ZNF165: variants seen among roughly 807,000 people sequenced by gnomAD.
ZNF165 encodes the protein cancer/testis antigen 53.
ZNF165 carries 14 observed loss-of-function variants against 19.6 expected under a neutral mutation model. That is an observed-to-expected ratio of 0.71 (90% confidence interval 0.47 to 1.12). ZNF165 has a LOEUF of 1.12. ZNF165 is among the 50% of genes most tolerant of loss of function. ZNF165 has a pLI of 0.00. For missense variants in ZNF165, 504 were observed against 566.3 expected (o/e 0.89, Z 1.12); for synonymous variants, 165 against 195.0 (o/e 0.85, Z 1.28).
Position 28,089,126 on chromosome 6 carries a change from TATGAATGTA to T in ZNF165, c.1123_1131del (p.Asn375_Cys377del), listed in dbSNP as rs1764370165. The T allele has an allele frequency of 6.2e-7, 1 of 1,614,178 alleles. No individual in the cohort carries two copies. The highest frequency in any genetic ancestry group is 8.5e-7 in the Non-Finnish European group (1 of 1,180,012). Reference sequence around the variant, plus strand: ...GAGAATCCACACTGGAGAGAGATGCTATGAATGTAATGAATGTGGGAAAAGCTTTGCAGA... The same window carrying T: ...GAGAATCCACACTGGAGAGAGATGCTATGAATGTGGGAAAAGCTTTGCAGA... On this transcript the variant is annotated inframe_deletion, in exon 4 of 4. Transcript: ENST00000683778.
At chr6:28,082,368 C>T (rs1270761763) in intron 1 of ZNF165, among the ~76,000 whole-genome samples, 12 of 152,164 alleles carry the variant, frequency 7.9e-5, no homozygotes, top group Admixed American at 7.9e-4. Context: ...TAAAGACACA[C>T]ACAGAAATAT....
At position 28,089,022 on chromosome 6, in the gene ZNF165, T is replaced by C. The variant is rs1362467571; in HGVS notation, c.1010T>C (p.Val337Ala). The C allele has an allele frequency of 6.2e-7, 1 of 1,614,012 alleles. No individual in the cohort carries two copies. Among genetic ancestry groups the C allele is most frequent in the Non-Finnish European group, 8.5e-7 (1 of 1,180,032 alleles). ...KSPKLAKHAA[V>A]FSGDKTHQCN... The stretch of plus-strand genomic sequence containing the variant: ...CCAAAACTTGCTAAACATGCAGCAG[T>C]TTTCAGTGGAGATAAAACTCATCAG... Residue 337 changes from valine to alanine, a missense_variant, in exon 4 of 4, where the codon GTT becomes GCT. Coordinates refer to ENST00000683778, the MANE Select transcript of ZNF165 (RefSeq NM_001376491.1).
At chr6:28,082,584 G>T (rs542389257) in intron 1 of ZNF165, among the ~76,000 whole-genome samples, 1 of 152,238 alleles carries the variant, frequency 6.6e-6, no homozygotes, top group East Asian at 1.9e-4. Context: ...GGCACAGATC[G>T]CTCATGCTAT....
chr6:28,089,528 TAAAA>T lies in ZNF165; in HGVS notation c.*61_*64del. The T allele has an allele frequency of 6.9e-7, 1 of 1,439,144 alleles. No homozygotes were observed. The highest frequency in any genetic ancestry group is 9.2e-7 in the Non-Finnish European group (1 of 1,089,294). The allele number at this position is 1,439,144 out of a possible 1,614,324, so 89.1% of individuals were successfully genotyped here. A position where few individuals can be genotyped will look rare whatever the true frequency, so the allele number is the denominator to read the frequency against. On this transcript the variant is annotated 3_prime_UTR_variant, in exon 4 of 4. Transcript: ENST00000683778. ...ATGGCACAATATGAAAAATATTAAA[TAAAA>T]AATAAATATTGGGCAAGATGGAAGA... is the stretch of plus-strand genomic sequence containing the variant.
rs763913588 is a variant in ZNF165 at position 28,088,656 on chromosome 6, A to G, written c.644A>G (p.Tyr215Cys). ...QRIISGRISG[Y>C]ISEASGESQD... ...ATTATATCTGGAAGAATCTCAGGAT[A>G]CATATCAGAAGCATCTGGTGAGTCT... The change falls in exon 4 of 4, where the codon TAC becomes TGC. Residue 215 changes from tyrosine to cysteine, a missense_variant. By Grantham distance (194) the Tyr-to-Cys change is radical. Transcript: ENST00000683778. The G allele has an allele frequency of 6.2e-7, 1 of 1,614,168 alleles. No homozygotes were observed. The highest frequency in any genetic ancestry group is 1.1e-5 in the South Asian group (1 of 91,066).
In ZNF165 at chr6:28,085,783, G is replaced by T. The variant is rs140944807; in HGVS notation, c.303G>T (p.Leu101=). 2.1e-4 allele frequency: 339 copies of T among 1,613,760 alleles called. 1 individual carries two copies. In the African/African-American group the frequency reaches 3.9e-3, roughly 19 times the overall value. ...TGCTAGAGCAGTTCCTGACCATCCT[G>T]CCAGGAGATTTGCAGGCCTGGGTAC... ...LLVLEQFLTI[L]PGDLQAWVHE... The change falls in exon 2 of 4, where the codon CTG becomes CTT. Residue 101 remains leucine (L), a synonymous_variant. Coordinates refer to ENST00000683778, the MANE Select transcript of ZNF165 (RefSeq NM_001376491.1).
At chr6:28,080,412 C>A (rs1015674018), upstream of ZNF165, among the ~76,000 whole-genome samples, 3 of 152,110 alleles carry the variant, frequency 2.0e-5, no homozygotes, top group African/African-American at 7.2e-5. Context: ...GAGTCTCACT[C>A]TGTCACCCAA....
intron 1 of ZNF165, chr6:28,081,659 T>G (rs1284356641): frequency 1.3e-5 from 2 of 152,184 alleles, no homozygotes; most frequent in Non-Finnish European, 2.9e-5. Flanking sequence ...TCCCGCAACA[T>G]GCCCACCAAG....
intron 1 of ZNF165, among the ~76,000 whole-genome samples, chr6:28,082,265 A>G (rs1014860889): frequency 6.6e-6 from 1 of 151,806 alleles, no homozygotes; most frequent in African/African-American, 2.4e-5. Flanking sequence ...GAGAATTAAT[A>G]CTGTTACATA....
chr6:28,086,602 G>A (rs1234696192), intron 3 of ZNF165, among the ~76,000 whole-genome samples: 2 of 152,082 alleles, frequency 1.3e-5, no homozygotes, highest in Non-Finnish European at 2.9e-5. Context: ...CCAGCTACTC[G>A]GAAGGCTGAG....
chr6:28,082,459 G>C (rs1303260755), intron 1 of ZNF165, among the ~76,000 whole-genome samples: 2 of 152,200 alleles, frequency 1.3e-5, no homozygotes, highest in African/African-American at 4.8e-5. Flanking sequence ...CTTATTTATT[G>C]ACAGCAAGCC....
chr6:28,088,420 ATCC>A (rs1764337427), intron 3 of ZNF165, 140 bp from the exon 4 acceptor site: 1 of 704,362 alleles, frequency 1.4e-6, no homozygotes, highest in East Asian at 2.8e-5. Flanking sequence ...CATTCCTATC[ATCC>A]TCTTTCATTC....
Position 28,088,838 on chromosome 6 carries a change from G to C in ZNF165, c.826G>C (p.Glu276Gln). The change falls in exon 4 of 4, where the codon GAG becomes CAG. Residue 276 changes from glutamate (E) to glutamine (Q), a missense_variant. Glu to Gln is a conservative substitution (Grantham distance 29). Coordinates refer to ENST00000683778, the MANE Select transcript of ZNF165 (RefSeq NM_001376491.1). Reference sequence around the variant, plus strand: ...TGAAATAATAAGCCACGATGGATGTGAGAGGAGATTAAATCTGAACTCAAA... The same window carrying C: ...TGAAATAATAAGCCACGATGGATGTCAGAGGAGATTAAATCTGAACTCAAA... ...RGEIISHDGCERRLNLNSNEF... is the reference protein window; with the variant it reads ...RGEIISHDGCQRRLNLNSNEF... 6.2e-7 allele frequency: 1 copy of C among 1,614,182 alleles called. No homozygotes were observed. The highest frequency in any genetic ancestry group is 8.5e-7 in the Non-Finnish European group (1 of 1,180,042).
rs1050852607 is a variant in ZNF165, at chr6:28,085,638, G to C, written c.158G>C (p.Arg53Thr). Residue 53 changes from arginine to threonine, a missense_variant, in exon 2 of 4, where the codon AGG becomes ACG. Coordinates refer to ENST00000683778, the MANE Select transcript of ZNF165 (RefSeq NM_001376491.1). ...CAGGAGCTCTGCAGGCAGCTTTTTA[G>C]GCAGTTCTGCTACCAGGATTCTCCT... ...LKQELCRQLF[R>T]QFCYQDSPGP... The C allele has an allele frequency of 1.2e-6, 2 of 1,614,098 alleles. No individual in the cohort carries two copies. Among genetic ancestry groups the C allele is most frequent in the African/African-American group, 2.7e-5 (2 of 74,940 alleles).
At chr6:28,086,123 T>C in intron 2 of ZNF165, 49 bp from the exon 3 acceptor site, 1 of 1,577,842 alleles carries the variant, frequency 6.3e-7, no homozygotes, top group Non-Finnish European at 8.6e-7. Context: ...TAGAAGACGT[T>C]TAACACAGGG....
At position 28,083,327 on chromosome 6, in the gene ZNF165, GT is replaced by G. The variant is rs374105396; in HGVS notation, c.1-2151del. On this transcript the variant is annotated intron_variant, in intron 1 of 3. Coordinates refer to ENST00000683778, the MANE Select transcript of ZNF165 (RefSeq NM_001376491.1). ...TCAGTTCTTTGTTCTCCACTTTAAAGTTTAACCTCATCTCCTTGCCCCTAGT... is the reference window on the plus strand; with the variant it reads ...TCAGTTCTTTGTTCTCCACTTTAAAGTTAACCTCATCTCCTTGCCCCTAGT... Among the ~76,000 whole-genome samples, 1,065 of 152,254 alleles carry G rather than the reference GT, an allele frequency of 7.0e-3. 11 individuals carry two copies. Among genetic ancestry groups the G allele is most frequent in the African/African-American group, 0.021 (888 of 41,544 alleles).
At chr6:28,086,598 A>G (rs1015835533) in intron 3 of ZNF165, among the ~76,000 whole-genome samples, 1 of 152,062 alleles carries the variant, frequency 6.6e-6, no homozygotes, top group Non-Finnish European at 1.5e-5. Flanking sequence ...AGTCCCAGCT[A>G]CTCGGAAGGC....
Position 28,085,880 on chromosome 6 carries a change from G to A in ZNF165, c.400G>A (p.Ala134Thr). Residue 134 changes from alanine (A) to threonine (T), a missense_variant, in exon 2 of 4, where the codon GCA becomes ACA. Physicochemically the swap from Ala to Thr is moderately conservative, Grantham distance 58. Transcript: ENST00000683778. The part of the protein sequence containing the change: ...LEDLERGTDE[A>T]VLQVQAHEHG... ...AGATTTGGAGAGAGGCACTGATGAA[G>A]CAGTACTCCAGGTGCACAGGGGATG... 1 of 1,610,444 alleles carries A rather than the reference G, an allele frequency of 6.2e-7. No homozygotes were observed. Among genetic ancestry groups the A allele is most frequent in the African/African-American group, 1.3e-5 (1 of 75,058 alleles).
chr6:28,086,063 G>T, intron 2 of ZNF165, 109 bp from the exon 3 acceptor site: 1 of 1,519,736 alleles, frequency 6.6e-7, no homozygotes. Flanking sequence ...AATCAGACTC[G>T]ATTCTTCCTT....
Sources: allele counts gnomAD v4.1 joint callset (sites outside exome capture counted in the v4.1 genomes callset), GRCh38; gene constraint gnomAD v4.1.1; transcripts MANE v1.5; gene names NCBI Gene and HGNC (gene_info 2026-07-23, HGNC 2026-07-21).